Variants in TPO observed in about 807,000 individuals in gnomAD.
TPO encodes thyroid peroxidase, also known as thyroid microsomal antigen.
TPO carries 78 observed loss-of-function variants against 96.9 expected under a neutral mutation model. The ratio of observed to expected loss-of-function variants is 0.81; its 90% CI spans 0.67 to 0.97. The LOEUF is 0.97. TPO is among the 50% of genes least tolerant of loss of function. TPO has a pLI of 0.00. For missense variants in TPO, 1,252 were observed against 1,274.8 expected (o/e 0.98, Z 0.27); for synonymous variants, 547 against 538.0 (o/e 1.02, Z -0.23).
rs539585662 is a variant in TPO, at chr2:1,467,122, A to G, written c.820-9964A>G. The stretch of plus-strand genomic sequence containing the variant: ...AGTTCAAAGAATTTTTTTTTTTTTG[A>G]GATGGAGTTTCGCTCTTGTTGCCCA... On this transcript the variant is annotated intron_variant, in intron 7 of 16. Transcript: ENST00000329066. Among the ~76,000 whole-genome samples the G allele has an allele frequency of 3.6e-3, 541 of 148,846 alleles. 20 individuals carry two copies. The South Asian group carries it at 0.092, about 25-fold the overall frequency.
chr2:1,396,254 T>C (rs1223647541), intron 1 of TPO, among the ~76,000 whole-genome samples: 1 of 152,094 alleles, frequency 6.6e-6, no homozygotes, highest in African/African-American at 2.4e-5. Context: ...TCTGGGAAAC[T>C]CAAACCTGCC....
intron 16 of TPO, chr2:1,542,143 G>T (rs528535755): frequency 7.1e-6 from 4 of 563,524 alleles, no homozygotes; most frequent in Non-Finnish European, 1.3e-5. Flanking sequence ...TGCTCAGCAC[G>T]GCTTCTTCCT....
intron 1 of TPO, among the ~76,000 whole-genome samples, chr2:1,404,658 T>A (rs1662222161): frequency 1.3e-5 from 2 of 152,052 alleles, no homozygotes; most frequent in African/African-American, 4.8e-5. Flanking sequence ...CCGGCCAACA[T>A]CTGACTCTTG....
intron 5 of TPO, among the ~76,000 whole-genome samples, chr2:1,448,455 T>A (rs1291403049): frequency 2.0e-5 from 3 of 152,136 alleles, no homozygotes; most frequent in Non-Finnish European, 2.9e-5. Flanking sequence ...GCCATCCCCT[T>A]CCTCATCTGT....
intron 16 of TPO, chr2:1,540,985 T>G: frequency 1.4e-6 from 2 of 1,444,238 alleles, no homozygotes; most frequent in South Asian, 2.6e-5. Context: ...TTCAGGCGTT[T>G]GCTTCCACTT....
chr2:1,414,458 A>G lies in TPO; in HGVS notation c.50A>G (p.Glu17Gly), dbSNP rs1662678693. Reference sequence around the variant, plus strand: ...GTCACGCTGGTTATGGCCTGCACAGAAGCCTTCTTCCCCTTCATCTCGAGA... The same window carrying G: ...GTCACGCTGGTTATGGCCTGCACAGGAGCCTTCTTCCCCTTCATCTCGAGA... The part of the protein sequence containing the change: ...LSVTLVMACT[E>G]AFFPFISRGK... The change falls in exon 2 of 17, where the codon GAA becomes GGA. Residue 17 changes from glutamate (E) to glycine (G), a missense_variant. By Grantham distance (98) the Glu-to-Gly change is moderately conservative. Coordinates refer to ENST00000329066, the MANE Select transcript of TPO (RefSeq NM_001206744.2). 1 of 1,614,072 alleles carries G rather than the reference A, an allele frequency of 6.2e-7. No homozygotes were observed. The highest frequency in any genetic ancestry group is 8.5e-7 in the Non-Finnish European group (1 of 1,180,012).
intron 2 of TPO, among the ~76,000 whole-genome samples, chr2:1,421,442 C>CG (rs150259258): frequency 0.026 from 3,961 of 152,304 alleles, 146 homozygotes; most frequent in African/African-American, 0.081. Context: ...CCGCGTCACT[C>CG]GGAGATTGAT....
chr2:1,503,772 A>G (rs1673113042), intron 13 of TPO, 176 bp from the exon 14 acceptor site: 5 of 1,192,822 alleles, frequency 4.2e-6, no homozygotes, highest in Middle Eastern at 2.0e-4. Context: ...TCTGCTCCTC[A>G]TCACCTTTTC....
At position 1,484,896 on chromosome 2, in the gene TPO, T is replaced by C. The variant is rs6715129; in HGVS notation, c.1597+42T>C. 0.49 allele frequency: 792,469 copies of C among 1,610,206 alleles called. 198,203 individuals are homozygous for C. Among genetic ancestry groups the C allele is most frequent in the African/African-American group, 0.69 (51,488 of 74,862 alleles). The stretch of plus-strand genomic sequence containing the variant: ...CCTGCAGCTGGTCCCCATGAACTCT[T>C]CCTTCTTTTTTTAATTTTTTTAAAT... On this transcript the variant is annotated intron_variant, in intron 9 of 16. Transcript: ENST00000329066.
chr2:1,510,732 A>C (rs1674018968), intron 14 of TPO, among the ~76,000 whole-genome samples: 1 of 152,168 alleles, frequency 6.6e-6, no homozygotes, highest in Non-Finnish European at 1.5e-5. Flanking sequence ...CATGAGCCTA[A>C]GACCATTCTG....
intron 1 of TPO, among the ~76,000 whole-genome samples, chr2:1,389,739 C>A (rs893580808): frequency 1.3e-5 from 2 of 152,132 alleles, no homozygotes; most frequent in African/African-American, 4.8e-5. Flanking sequence ...CTTTTCCTCC[C>A]TTGCTTGTTT....
chr2:1,481,688 C>A (rs1670654812), intron 8 of TPO, among the ~76,000 whole-genome samples: 2 of 152,208 alleles, frequency 1.3e-5, no homozygotes, highest in East Asian at 3.9e-4. Context: ...AGCAAAGGAG[C>A]AGATGGATAA....
intron 8 of TPO, chr2:1,478,133 A>G: frequency 1.0e-6 from 1 of 985,422 alleles, no homozygotes; most frequent in Non-Finnish European, 1.2e-6. Context: ...CTAACAAGTT[A>G]GAGTCTATTT....
In TPO at chr2:1,506,236, G is replaced by A. The variant is rs1341818867; in HGVS notation, c.2518+2157G>A. 2.0e-5 allele frequency among the ~76,000 whole-genome samples: 3 copies of A among 151,806 alleles called. No individual in the cohort carries two copies. In the East Asian group the frequency reaches 5.8e-4, roughly 29 times the overall value. ...TGAACTCATCATTTATGGCTGCATA[G>A]TATTCTATGGTATATATGTGCCACA... On this transcript the variant is annotated intron_variant, in intron 14 of 16. Coordinates refer to ENST00000329066, the MANE Select transcript of TPO (RefSeq NM_001206744.2).
At chr2:1,395,040 T>C (rs1026752988) in intron 1 of TPO, among the ~76,000 whole-genome samples, 5 of 148,842 alleles carry the variant, frequency 3.4e-5, no homozygotes, top group Non-Finnish European at 7.4e-5. Flanking sequence ...TGAAAAAAAA[T>C]TGCAGTTTTT....
At chr2:1,385,893 C>T (rs1661886217) in intron 1 of TPO, among the ~76,000 whole-genome samples, 1 of 152,046 alleles carries the variant, frequency 6.6e-6, no homozygotes, top group Non-Finnish European at 1.5e-5. Context: ...AAATGTGTCC[C>T]AGAGATTCTG....
chr2:1,393,443 C>T (rs1662033970), intron 1 of TPO, among the ~76,000 whole-genome samples: 1 of 152,196 alleles, frequency 6.6e-6, no homozygotes, highest in South Asian at 2.1e-4. Flanking sequence ...GAGTTAAGAT[C>T]AGGTCCACAC....
intron 7 of TPO, among the ~76,000 whole-genome samples, chr2:1,472,361 C>T (rs1669504807): frequency 6.6e-6 from 1 of 152,128 alleles, no homozygotes; most frequent in Admixed American, 6.5e-5. Flanking sequence ...TCATAGTGTG[C>T]TCTTCCCACG....
intron 7 of TPO, among the ~76,000 whole-genome samples, chr2:1,458,841 T>C (rs902402492): frequency 1.3e-5 from 2 of 152,216 alleles, no homozygotes; most frequent in Non-Finnish European, 2.9e-5. Flanking sequence ...TTATAATCTA[T>C]CTAACCACTT....
Sources: allele counts gnomAD v4.1 joint callset (sites outside exome capture counted in the v4.1 genomes callset), GRCh38; gene constraint gnomAD v4.1.1; transcripts MANE v1.5; gene names NCBI Gene and HGNC (gene_info 2026-07-23, HGNC 2026-07-21).